The following DLG2 variants were observed in gnomAD, a reference collection of about 807,000 sequenced individuals.
The protein encoded by DLG2 is disks large homolog 2.
In DLG2, 45 loss-of-function variants were observed where a neutral mutation model predicts 132.5. That is an observed-to-expected ratio of 0.34 (90% CI 0.27 to 0.44). The LOEUF (loss-of-function observed/expected upper bound fraction) is 0.44, where lower values mean the gene tolerates loss of function less well. DLG2 is among the 20% of genes least tolerant of loss of function. The probability of loss-of-function intolerance (pLI) is 1.00; values close to 1 mark genes in which losing one functional copy is unlikely to be tolerated. For synonymous variants in DLG2, 424 were observed against 419.6 expected (o/e 1.01, Z -0.13); for missense variants, 1,045 against 1,196.9 (o/e 0.87, Z 1.87).
chr11:83,769,517 GT>G (rs1433105109), intron 18 of DLG2, among the ~76,000 whole-genome samples: 1 of 150,268 alleles, frequency 6.7e-6, no homozygotes, highest in East Asian at 2.0e-4. Context: ...GGGATGGAGT[GT>G]ATGGTTAGGG....
intron 6 of DLG2, among the ~76,000 whole-genome samples, chr11:84,689,358 G>A (rs2057743946): frequency 6.6e-6 from 1 of 151,142 alleles, no homozygotes; most frequent in Admixed American, 6.6e-5. Flanking sequence ...ATTAATGAAT[G>A]TTTCTATTGA....
intron 7 of DLG2, among the ~76,000 whole-genome samples, chr11:84,442,377 A>T (rs575257719): frequency 9.9e-5 from 15 of 152,130 alleles, no homozygotes; most frequent in Non-Finnish European, 2.1e-4. Context: ...GAATTCATGC[A>T]GGGACATGGA....
intron 3 of DLG2, among the ~76,000 whole-genome samples, chr11:85,505,516 T>A (rs2093909377): frequency 6.6e-6 from 1 of 152,204 alleles, no homozygotes; most frequent in Non-Finnish European, 1.5e-5. Context: ...TATGATGAAT[T>A]ACATTTATTG....
At chr11:84,983,520 C>T (rs2056064400) in intron 6 of DLG2, among the ~76,000 whole-genome samples, 3 of 152,278 alleles carry the variant, frequency 2.0e-5, no homozygotes, top group African/African-American at 7.2e-5. Flanking sequence ...CACTGTCCCT[C>T]TGACAGAGCC....
chr11:83,462,816 A>C (rs1027793566), intron 26 of DLG2, among the ~76,000 whole-genome samples: 6 of 152,184 alleles, frequency 3.9e-5, no homozygotes, highest in African/African-American at 1.4e-4. Flanking sequence ...ATTATATATA[A>C]ATTTTTTTTA....
chr11:83,998,918 T>C (rs1308165147), intron 11 of DLG2, among the ~76,000 whole-genome samples: 1 of 152,150 alleles, frequency 6.6e-6, no homozygotes, highest in South Asian at 2.1e-4. Flanking sequence ...ATGTAGTTCC[T>C]GAACAAGGCA....
At chr11:83,859,920 A>G (rs921574297) in intron 16 of DLG2, among the ~76,000 whole-genome samples, 2 of 152,202 alleles carry the variant, frequency 1.3e-5, no homozygotes. Context: ...AAAAGGGGCC[A>G]AGGTAGAGCT....
At chr11:84,846,349 C>T (rs2081473720) in intron 6 of DLG2, among the ~76,000 whole-genome samples, 1 of 152,076 alleles carries the variant, frequency 6.6e-6, no homozygotes. Context: ...GTAAATGGAA[C>T]CATCTTTCAT....
chr11:85,414,909 G>T (rs1387166388), intron 3 of DLG2, among the ~76,000 whole-genome samples: 1 of 151,942 alleles, frequency 6.6e-6, no homozygotes, highest in Non-Finnish European at 1.5e-5. Flanking sequence ...TGTGCAGAAC[G>T]TGCAGATTTT....
chr11:84,731,968 C>T (rs2153812585), intron 6 of DLG2, among the ~76,000 whole-genome samples: 1 of 152,136 alleles, frequency 6.6e-6, no homozygotes, highest in Middle Eastern at 3.4e-3. Context: ...AAAGCAATCA[C>T]TCATCTGCTC....
At chr11:84,293,178 G>A (rs909531925) in intron 7 of DLG2, among the ~76,000 whole-genome samples, 6 of 151,968 alleles carry the variant, frequency 3.9e-5, no homozygotes, top group Admixed American at 3.9e-4. Flanking sequence ...GTGTGTGTTG[G>A]AAGTATTCTG....
At chr11:84,950,529 T>C (rs1334464252) in intron 6 of DLG2, among the ~76,000 whole-genome samples, 1 of 152,216 alleles carries the variant, frequency 6.6e-6, no homozygotes, top group Admixed American at 6.5e-5. Flanking sequence ...TTTAAATATA[T>C]ATAAATCTAT....
At chr11:85,387,508 G>A (rs2086444283) in intron 3 of DLG2, among the ~76,000 whole-genome samples, 1 of 152,164 alleles carries the variant, frequency 6.6e-6, no homozygotes, top group African/African-American at 2.4e-5. Context: ...GTAAGTTTGA[G>A]GAAGGGCCAC....
chr11:85,602,601 C>T (rs550335521), intron 2 of DLG2, among the ~76,000 whole-genome samples: 1 of 151,974 alleles, frequency 6.6e-6, no homozygotes, highest in South Asian at 2.1e-4. Context: ...CCCAGGCTGG[C>T]CTACAGTCTT....
chr11:85,604,479 T>A (rs2080385795), intron 2 of DLG2, among the ~76,000 whole-genome samples: 1 of 152,200 alleles, frequency 6.6e-6, no homozygotes, highest in Non-Finnish European at 1.5e-5. Context: ...ATAAATTGAA[T>A]AAAGTGGAAA....
At chr11:83,747,318 T>TCCTG (rs1566804985) in intron 18 of DLG2, among the ~76,000 whole-genome samples, 10 of 122,804 alleles carry the variant, frequency 8.1e-5, no homozygotes, top group Admixed American at 1.6e-4. Flanking sequence ...CTTCCTTCCT[T>TCCTG]CCTTCCTTCC....
chr11:84,940,880 CATCCATTTTG>C (rs1308344876), intron 6 of DLG2, among the ~76,000 whole-genome samples: 1 of 152,166 alleles, frequency 6.6e-6, no homozygotes, highest in Non-Finnish European at 1.5e-5. Flanking sequence ...TGAAGTCTTT[CATCCATTTTG>C]AATTGCCTTT....
chr11:85,527,002 T>C (rs1057304105), intron 3 of DLG2, among the ~76,000 whole-genome samples: 5 of 152,250 alleles, frequency 3.3e-5, no homozygotes, highest in African/African-American at 9.6e-5. Flanking sequence ...ATTTTATCCA[T>C]TGTTTATTCT....
At chr11:83,605,711 A>G (rs2059239111) in intron 19 of DLG2, among the ~76,000 whole-genome samples, 1 of 152,244 alleles carries the variant, frequency 6.6e-6, no homozygotes, top group Admixed American at 6.5e-5. Context: ...TTTCTATATT[A>G]TCAGCTATGT....
Sources: allele counts gnomAD v4.1 joint callset (sites outside exome capture counted in the v4.1 genomes callset), GRCh38; gene constraint gnomAD v4.1.1; transcripts MANE v1.5; gene names NCBI Gene and HGNC (gene_info 2026-07-23, HGNC 2026-07-21).